Variants in NUP205 observed in about 807,000 individuals in gnomAD.
NUP205 encodes the protein nucleoporin 205.
A neutral mutation model predicts 253.8 loss-of-function variants in NUP205; 76 were observed. The observed-to-expected ratio is 0.30, with a 90% CI of 0.25 to 0.36. NUP205 has a LOEUF of 0.36. Among genes scored for constraint, NUP205 ranks in the 10% least tolerant of loss-of-function variants. NUP205 has a pLI of 1.00. For missense variants in NUP205, 2,162 were observed against 2,425.5 expected (o/e 0.89, Z 2.28); for synonymous variants, 832 against 850.1 (o/e 0.98, Z 0.37).
intron 30 of NUP205, 73 bp from the exon 31 acceptor site, chr7:135,622,704 C>A: frequency 7.5e-7 from 1 of 1,337,902 alleles, no homozygotes. Context: ...TCATACCTAG[C>A]ATGTGAGGTA....
chr7:135,646,022 A>C, intron 41 of NUP205, 136 bp from the exon 42 acceptor site: 1 of 645,794 alleles, frequency 1.5e-6, no homozygotes, highest in Non-Finnish European at 2.7e-6. Flanking sequence ...ATTTGCTAAA[A>C]GTTGAAAATT....
intron 42 of NUP205, 139 bp from the exon 43 acceptor site, chr7:135,648,265 A>G: frequency 1.5e-6 from 1 of 659,390 alleles, no homozygotes; most frequent in Non-Finnish European, 2.3e-6. Flanking sequence ...ATTTAGTAAC[A>G]CATTACAAAA....
At position 135,584,890 on chromosome 7, in the gene NUP205, C is replaced by T. The variant is rs144217755; in HGVS notation, c.1101C>T (p.Asn367=). Residue 367 remains asparagine (N), a synonymous_variant, in exon 8 of 43, where the codon AAC becomes AAT. Coordinates refer to ENST00000285968, the MANE Select transcript of NUP205 (RefSeq NM_015135.3). Reference sequence around the variant, plus strand: ...TGGCAGAACTCGCAATTGCTGACAACGTTTTCCTGTTCCTCATGGAATCTG... The same window carrying T: ...TGGCAGAACTCGCAATTGCTGACAATGTTTTCCTGTTCCTCATGGAATCTG... ...EAMAELAIAD[N]VFLFLMESVV... is the part of the protein sequence containing the mutation. 2.6e-3 allele frequency: 4,205 copies of T among 1,613,972 alleles called. 18 individuals carry two copies. Among genetic ancestry groups the T allele is most frequent in the African/African-American group, 6.8e-3 (511 of 75,034 alleles).
chr7:135,577,795 G>A lies in NUP205; in HGVS notation c.649-1G>A, dbSNP rs1806191784. The A allele has an allele frequency of 6.2e-7, 1 of 1,608,210 alleles. No homozygotes were observed. Among genetic ancestry groups the A allele is most frequent in the African/African-American group, 1.3e-5 (1 of 74,720 alleles). On this transcript the variant is annotated splice_acceptor_variant, in intron 5 of 42. Transcript: ENST00000285968. LOFTEE classifies it high-confidence loss of function. ...ACTGATAGTCATGTTTTTATTTCTA[G>A]GTTTCTGATCTCATTAAGGAGTGCA...
chr7:135,646,274 G>T lies in NUP205; in HGVS notation c.5886+43G>T, dbSNP rs534032685. The T allele has an allele frequency of 4.0e-4, 549 of 1,379,054 alleles. 6 individuals are homozygous for T. In the South Asian group the frequency reaches 6.1e-3, roughly 15 times the overall value. The allele number at this position is 1,379,054 out of a possible 1,614,324, so 85.4% of individuals were successfully genotyped here. A position where few individuals can be genotyped will look rare whatever the true frequency, so the allele number is the denominator to read the frequency against. On this transcript the variant is annotated intron_variant, in intron 42 of 42. Transcript: ENST00000285968. Reference sequence around the variant, plus strand: ...TATTCTTTTATTTTTCTTCATTAAAGTAAAAGGGCTGGGTGTGATGGTACA... The same window carrying T: ...TATTCTTTTATTTTTCTTCATTAAATTAAAAGGGCTGGGTGTGATGGTACA...
At chr7:135,584,751 C>A in intron 7 of NUP205, 81 bp from the exon 8 acceptor site, 1 of 1,219,994 alleles carries the variant, frequency 8.2e-7, no homozygotes, top group Non-Finnish European at 1.2e-6. Flanking sequence ...TCTGAACCAT[C>A]AGCAGAGTAT....
Position 135,640,636 on chromosome 7 carries a change from A to AAG in NUP205, c.5392+1956_5392+1957dup, listed in dbSNP as rs1313921988. Reference sequence around the variant, plus strand: ...TCGTTTTATGCCATGGATGGGGGAGAAGAGTACTGACTGGTAGAATCTTAG... The same window carrying AAG: ...TCGTTTTATGCCATGGATGGGGGAGAAGAGAGTACTGACTGGTAGAATCTTAG... On this transcript the variant is annotated intron_variant, in intron 38 of 42. Coordinates refer to ENST00000285968, the MANE Select transcript of NUP205 (RefSeq NM_015135.3). Among the ~76,000 whole-genome samples, 8 of 152,182 alleles carry AAG rather than the reference A, an allele frequency of 5.3e-5. No individual in the cohort carries two copies. The East Asian group carries it at 1.5e-3, about 29-fold the overall frequency.
intron 31 of NUP205, among the ~76,000 whole-genome samples, chr7:135,623,747 A>T (rs1205043757): frequency 6.6e-6 from 1 of 152,246 alleles, no homozygotes; most frequent in Non-Finnish European, 1.5e-5. Context: ...TTTAAAAAAT[A>T]AACTGGCATA....
At position 135,604,395 on chromosome 7, in the gene NUP205, C is replaced by T; in HGVS notation, c.2758C>T (p.Leu920Phe). ...ATTGGCTTTTGAAAGTGCCAAGATC[C>T]TCTGTTGTATCTCTTGCAACTCTAA... ...PELAFESAKILCCISCNSNIQ... is the reference protein window; with the variant it reads ...PELAFESAKIFCCISCNSNIQ... The change falls in exon 19 of 43, where the codon CTC becomes TTC. Residue 920 changes from leucine to phenylalanine, a missense_variant. Around this residue, in one of 5 missense-constraint regions of NUP205, gnomAD observed 892 missense variants for 957.1 expected, o/e 0.93. Transcript: ENST00000285968. 2 of 1,612,552 alleles carry T rather than the reference C, an allele frequency of 1.2e-6. No homozygotes were observed. Among genetic ancestry groups the T allele is most frequent in the Non-Finnish European group, 1.7e-6 (2 of 1,178,824 alleles).
rs752540646 is a variant in NUP205 at position 135,648,445 on chromosome 7, A to G, written c.5928A>G (p.Gln1976=). 3 of 1,604,278 alleles carry G rather than the reference A, an allele frequency of 1.9e-6. No homozygotes were observed. Among genetic ancestry groups the G allele is most frequent in the Non-Finnish European group, 2.5e-6 (3 of 1,177,068 alleles). The change falls in exon 43 of 43, where the codon CAA becomes CAG. Residue 1976 remains glutamine, a synonymous_variant. Transcript: ENST00000285968. ...TCAACGCTTTTGGAGAATCACTACA[A>G]AAGAAACTTCTGGACATTGAAGGAT... ...DAINAFGESL[Q]KKLLDIEGLY... is the part of the protein sequence containing the mutation.
At chr7:135,576,507 A>G in intron 4 of NUP205, 93 bp downstream of exon 4, 1 of 1,089,476 alleles carries the variant, frequency 9.2e-7, no homozygotes, top group Non-Finnish European at 1.3e-6. Context: ...AGCAATATGT[A>G]ACATAAGCTG....
intron 22 of NUP205, among the ~76,000 whole-genome samples, chr7:135,610,832 A>G (rs1215316387): frequency 2.0e-5 from 3 of 152,168 alleles, no homozygotes; most frequent in Admixed American, 6.5e-5. Context: ...CTGCAACACA[A>G]GGGCTTCTGG....
rs200021954 is a variant in NUP205, at chr7:135,619,730, T to A, written c.4231+40T>A. On this transcript the variant is annotated intron_variant, in intron 29 of 42. Transcript: ENST00000285968. ...AATTGTCTATAAATTCTATCTTTTG[T>A]ATTTGTTTTAACTTTAATTGAGAAA... The A allele has an allele frequency of 1.3e-5, 20 of 1,597,226 alleles. No individual in the cohort carries two copies. The East Asian group carries it at 3.8e-4, about 30-fold the overall frequency.
chr7:135,571,170 C>T lies in NUP205; in HGVS notation c.94C>T (p.Gln32Ter). The change falls in exon 2 of 43, where the codon CAA becomes TAA. Residue 32 changes from glutamine to a stop codon, truncating the protein, a stop_gained. Transcript: ENST00000285968. LOFTEE classifies it high-confidence loss of function. ...HKVGNALWRR[Q>*]PEAVHLLDKI... is the part of the protein sequence containing the mutation. ...AGTGGGAAATGCTCTTTGGAGAAGACAACCTGAAGCTGTTCACCTTCTTGA... is the reference window on the plus strand; with the variant it reads ...AGTGGGAAATGCTCTTTGGAGAAGATAACCTGAAGCTGTTCACCTTCTTGA... 1.3e-6 allele frequency: 2 copies of T among 1,524,640 alleles called. No homozygotes were observed. The highest frequency in any genetic ancestry group is 1.8e-6 in the Non-Finnish European group (2 of 1,134,080). The allele number at this position is 1,524,640 out of a possible 1,614,324, so 94.4% of individuals were successfully genotyped here. A position where few individuals can be genotyped will look rare whatever the true frequency, so the allele number is the denominator to read the frequency against.
At chr7:135,565,976 G>A (rs1055034205) in intron 1 of NUP205, among the ~76,000 whole-genome samples, 4 of 152,184 alleles carry the variant, frequency 2.6e-5, no homozygotes, top group African/African-American at 9.7e-5. Context: ...ATTTTGGCAG[G>A]CAGAGAAATC....
chr7:135,594,701 C>G lies in NUP205; in HGVS notation c.1985C>G (p.Ser662Cys), dbSNP rs750422761. Residue 662 changes from serine to cysteine, a missense_variant, in exon 13 of 43, where the codon TCC becomes TGC. Ser to Cys is a moderately radical substitution (Grantham distance 112, BLOSUM62 -1). Transcript: ENST00000285968. Reference sequence around the variant, plus strand: ...GGAAAATCTCCTGAAATTGCTGCTTCCCTCTGGCAGTCATTGGAATACACT... The same window carrying G: ...GGAAAATCTCCTGAAATTGCTGCTTGCCTCTGGCAGTCATTGGAATACACT... ...AFGKSPEIAA[S>C]LWQSLEYTQI... The G allele has an allele frequency of 1.9e-6, 3 of 1,613,534 alleles. No individual in the cohort carries two copies. In the South Asian group the frequency reaches 3.3e-5, roughly 18 times the overall value.
At chr7:135,579,555 G>GT (rs1295874931) in intron 7 of NUP205, among the ~76,000 whole-genome samples, 1 of 152,018 alleles carries the variant, frequency 6.6e-6, no homozygotes, top group Non-Finnish European at 1.5e-5. Context: ...TTTACTTCTT[G>GT]ATTTGTTCAC....
At chr7:135,613,184 A>T (rs1794280518) in intron 22 of NUP205, among the ~76,000 whole-genome samples, 1 of 150,102 alleles carries the variant, frequency 6.7e-6, no homozygotes, top group African/African-American at 2.4e-5. Flanking sequence ...ATTTTTTATT[A>T]TGGGCTATTT....
chr7:135,601,041 ATAAAT>A (rs1793955527), intron 16 of NUP205, 72 bp downstream of exon 16: 1 of 692,600 alleles, frequency 1.4e-6, no homozygotes, highest in Non-Finnish European at 2.4e-6. Context: ...TATGTTATAT[ATAAAT>A]TAAAAATTAT....
Sources: gnomAD v4.1 joint callset for allele counts (sites outside exome capture counted in the v4.1 genomes callset) on GRCh38, gnomAD v4.1.1 for gene constraint, gnomAD v4.1.1 regional missense constraint, MANE v1.5 for transcripts, NCBI Gene and HGNC (gene_info 2026-07-23, HGNC 2026-07-21) for gene names.